KIAA1549L: variants seen among roughly 807,000 people sequenced by gnomAD.
KIAA1549L encodes UPF0606 protein KIAA1549L.
KIAA1549L carries 88 observed loss-of-function variants against 160.7 expected under a neutral mutation model. That is an observed-to-expected ratio of 0.55 (90% CI 0.46 to 0.65). The LOEUF is 0.65. Ranked by LOEUF, KIAA1549L falls within the 30% of genes least tolerant of loss-of-function variation. KIAA1549L has a pLI of 0.00. For synonymous variants in KIAA1549L, 950 were observed against 976.7 expected (o/e 0.97, Z 0.51); for missense variants, 2,258 against 2,437.5 (o/e 0.93, Z 1.55).
At chr11:33,607,507 T>C (rs1339552140) in intron 14 of KIAA1549L, among the ~76,000 whole-genome samples, 1 of 152,222 alleles carries the variant, frequency 6.6e-6, no homozygotes, top group African/African-American at 2.4e-5. Flanking sequence ...GGATTGCAAA[T>C]GTTTATGAAC....
chr11:33,578,035 TC>T (rs1411794010), intron 10 of KIAA1549L, among the ~76,000 whole-genome samples: 1 of 152,116 alleles, frequency 6.6e-6, no homozygotes, highest in Non-Finnish European at 1.5e-5. Flanking sequence ...CTTCCTTCAC[TC>T]CTCAAGGCCA....
At chr11:33,591,072 G>C (rs368570648) in intron 11 of KIAA1549L, among the ~76,000 whole-genome samples, 165 bp from the exon 12 acceptor site, 1 of 152,208 alleles carries the variant, frequency 6.6e-6, no homozygotes, top group Non-Finnish European at 1.5e-5. Context: ...CATGGATTCT[G>C]ATTTTGAAGA....
intron 15 of KIAA1549L, among the ~76,000 whole-genome samples, chr11:33,614,585 T>TATATA (rs1554922897): frequency 2.4e-3 from 17 of 7,050 alleles, no homozygotes; most frequent in Non-Finnish European, 4.0e-3. Context: ...TATATATATA[T>TATATA]TTTTTTTTTT....
In KIAA1549L at chr11:33,442,020, CCTAGGTTTTCTT is replaced by C. The variant is rs1851517445; in HGVS notation, c.238+65137_238+65148del. 3.3e-5 allele frequency among the ~76,000 whole-genome samples: 5 copies of C among 151,968 alleles called. No individual in the cohort carries two copies. The South Asian group carries it at 1.0e-3, about 32-fold the overall frequency. On this transcript the variant is annotated intron_variant, in intron 1 of 20. Coordinates refer to ENST00000658780, the MANE Select transcript of KIAA1549L (RefSeq NM_012194.3). ...CATGCCTATGTCCTGAATGGTATTG[CCTAGGTTTTCTT>C]CTAGGGTTTTTATGGTTTTAGGTCT...
chr11:33,418,836 A>G (rs958824607), intron 1 of KIAA1549L, among the ~76,000 whole-genome samples: 4 of 151,804 alleles, frequency 2.6e-5, no homozygotes, highest in Non-Finnish European at 5.9e-5. Context: ...GGAGCTGGAA[A>G]AGAGCCTGGG....
In KIAA1549L at chr11:33,646,014, A is replaced by G. The variant is rs1590435375; in HGVS notation, c.5738A>G (p.Tyr1913Cys). ...GTGCCGACCTACCGCCCAGAAATGT[A>G]TCAGTACAGTCTGCCCCGGCCGGTA... ...QWVPTYRPEMYQYSLPRPAYR... is the reference protein window; with the variant it reads ...QWVPTYRPEMCQYSLPRPAYR... The change falls in exon 17 of 21, where the codon TAT (tyrosine) becomes TGT (cysteine). Residue 1913 changes from tyrosine (Y) to cysteine (C), a missense_variant. This residue lies in a region of KIAA1549L where 1,359 missense variants were observed against 1,546.6 expected (regional missense o/e 0.88). Transcript: ENST00000658780. The G allele has an allele frequency of 6.3e-7, 1 of 1,594,378 alleles. No homozygotes were observed.
intron 1 of KIAA1549L, among the ~76,000 whole-genome samples, chr11:33,407,211 A>T (rs1487785257): frequency 7.0e-6 from 1 of 142,512 alleles, no homozygotes; most frequent in African/African-American, 2.7e-5. Flanking sequence ...CAGCCTCCCG[A>T]GTAGCTGGGA....
chr11:33,579,249 C>A (rs1309350425), intron 10 of KIAA1549L, among the ~76,000 whole-genome samples: 1 of 152,132 alleles, frequency 6.6e-6, no homozygotes, highest in Non-Finnish European at 1.5e-5. Flanking sequence ...TGGTGCAGTC[C>A]TGGGGCACCT....
chr11:33,629,892 C>T (rs1330857633), intron 16 of KIAA1549L, among the ~76,000 whole-genome samples: 3 of 67,326 alleles, frequency 4.5e-5, no homozygotes, highest in African/African-American at 2.9e-4. Context: ...AGTTTTTCTG[C>T]TCTGTTTTTC....
chr11:33,385,650 A>G (rs1475075549), intron 1 of KIAA1549L, among the ~76,000 whole-genome samples: 1 of 151,940 alleles, frequency 6.6e-6, no homozygotes, highest in African/African-American at 2.4e-5. Flanking sequence ...TACAGATTTT[A>G]GTATCTTCTT....
chr11:33,492,451 T>C (rs781548763), intron 1 of KIAA1549L, among the ~76,000 whole-genome samples: 21 of 152,000 alleles, frequency 1.4e-4, no homozygotes, highest in Non-Finnish European at 2.9e-4. Flanking sequence ...ACCCCTGGAG[T>C]GAAGGGACGT....
chr11:33,468,255 T>TCCC lies in KIAA1549L; in HGVS notation c.239-73546_239-73545insCCC, dbSNP rs1209743195. Reference sequence around the variant, plus strand: ...GGAAGTTTCACAAGGGTATACATTTTCATATTTTTCTCCTGTCAGTAGTTT... The same window carrying TCCC: ...GGAAGTTTCACAAGGGTATACATTTTCCCCATATTTTTCTCCTGTCAGTAGTTT... On this transcript the variant is annotated intron_variant, in intron 1 of 20. Coordinates refer to ENST00000658780, the MANE Select transcript of KIAA1549L (RefSeq NM_012194.3). 3.3e-5 allele frequency among the ~76,000 whole-genome samples: 5 copies of TCCC among 152,350 alleles called. No individual in the cohort carries two copies. In the East Asian group the frequency reaches 9.6e-4, roughly 29 times the overall value.
At chr11:33,602,950 C>T (rs1327246632) in intron 13 of KIAA1549L, among the ~76,000 whole-genome samples, 1 of 152,088 alleles carries the variant, frequency 6.6e-6, no homozygotes, top group Non-Finnish European at 1.5e-5. Flanking sequence ...TGTCATTTTC[C>T]TGTCCCATTA....
chr11:33,484,333 C>T (rs1852475787), intron 1 of KIAA1549L, among the ~76,000 whole-genome samples: 1 of 152,134 alleles, frequency 6.6e-6, no homozygotes, highest in African/African-American at 2.4e-5. Context: ...GTATCACCGC[C>T]TTTGTTTTCC....
chr11:33,665,131 C>T (rs1478035561), intron 20 of KIAA1549L: 1 of 152,312 alleles, frequency 6.6e-6, no homozygotes, highest in African/African-American at 2.4e-5. Flanking sequence ...AGTTTTCTTC[C>T]TGGAAACCTC....
rs1268034158 is a variant in KIAA1549L at position 33,497,486 on chromosome 11, G to GC, written c.239-44311dup. On this transcript the variant is annotated intron_variant, in intron 1 of 20. Transcript: ENST00000658780. The stretch of plus-strand genomic sequence containing the variant: ...TCCTTTTTGGAGAAATGTCACCCTA[G>GC]CCCCCAAAATAATAAAAAAAGAATT... Among the ~76,000 whole-genome samples, 5 of 152,164 alleles carry GC rather than the reference G, an allele frequency of 3.3e-5. No homozygotes were observed. The East Asian group carries it at 9.7e-4, about 29-fold the overall frequency.
In KIAA1549L at chr11:33,660,927, C is replaced by T. The variant is rs779890236; in HGVS notation, c.6072C>T (p.Phe2024=). The T allele has an allele frequency of 1.9e-6, 3 of 1,613,672 alleles. No homozygotes were observed. In the South Asian group the frequency reaches 3.3e-5, roughly 18 times the overall value. ...AANRPGFTGY[F]IPTPPSSYRN... is the part of the protein sequence containing the mutation. ...ACAGACCTGGCTTCACCGGCTACTT[C>T]ATCCCAACGCCTCCCTCATCCTATA... The change falls in exon 20 of 21, where the codon TTC becomes TTT. Residue 2024 remains phenylalanine, a synonymous_variant. Transcript: ENST00000658780.
Position 33,465,046 on chromosome 11 carries a change from C to CTTTTTTTT in KIAA1549L, c.239-76736_239-76729dup, listed in dbSNP as rs1008261470. Among the ~76,000 whole-genome samples, 34 of 79,004 alleles carry CTTTTTTTT rather than the reference C, an allele frequency of 4.3e-4. 4 individuals are homozygous for CTTTTTTTT. Among genetic ancestry groups the CTTTTTTTT allele is most frequent in the African/African-American group, 1.4e-3 (27 of 19,332 alleles). The allele number at this position is 79,004 out of a possible 152,430, so 51.8% of individuals were successfully genotyped here. A position where few individuals can be genotyped will look rare whatever the true frequency, so the allele number is the denominator to read the frequency against. ...CATTCAACTCGCATGGGACCTTCTT[C>CTTTTTTTT]TTTTTTTTTTTTTTTTTTTTTTTTT... On this transcript the variant is annotated intron_variant, in intron 1 of 20. Coordinates refer to ENST00000658780, the MANE Select transcript of KIAA1549L (RefSeq NM_012194.3).
At chr11:33,611,112 G>A (rs1378936667) in intron 15 of KIAA1549L, among the ~76,000 whole-genome samples, 3 of 152,210 alleles carry the variant, frequency 2.0e-5, no homozygotes, top group Non-Finnish European at 4.4e-5. Context: ...GATTTCACAT[G>A]CACGGTCAAA....
Sources: allele counts gnomAD v4.1 joint callset (sites outside exome capture counted in the v4.1 genomes callset), GRCh38; gene constraint gnomAD v4.1.1; regional missense constraint gnomAD v4.1.1; transcripts MANE v1.5; gene names NCBI Gene and HGNC (gene_info 2026-07-23, HGNC 2026-07-21).